FRK: variants seen among roughly 807,000 people sequenced by gnomAD.
The protein encoded by FRK is fyn related Src family tyrosine kinase, also known as tyrosine-protein kinase FRK.
In FRK, 51 loss-of-function variants were observed where a neutral mutation model predicts 56.4. That is an observed-to-expected ratio of 0.90 (90% CI 0.72 to 1.14). FRK has a LOEUF of 1.14. Ranked by LOEUF, FRK falls within the 50% of genes most tolerant of loss-of-function variation. The probability of loss-of-function intolerance (pLI) is 0.00; values close to 1 mark genes in which losing one functional copy is unlikely to be tolerated. For synonymous variants in FRK, 245 were observed against 217.9 expected (o/e 1.12, Z -1.10); for missense variants, 570 against 601.4 (o/e 0.95, Z 0.55).
intron 1 of FRK, among the ~76,000 whole-genome samples, chr6:116,028,096 C>T (rs1776163121): frequency 6.6e-6 from 1 of 152,128 alleles, no homozygotes; most frequent in Admixed American, 6.6e-5. Context: ...GTTTTCCCCA[C>T]ACACCAAGCA....
chr6:116,060,553 A>G lies in FRK; in HGVS notation c.-242T>C. On this transcript the variant is annotated 5_prime_UTR_variant, in exon 1 of 8. Transcript: ENST00000606080. ...CTACCCCGAGGCAAAACTGAGCAGG[A>G]GCTGGGCAGCTGCTCACTAGGAAGG... 1 of 473,880 alleles carries G rather than the reference A, an allele frequency of 2.1e-6. No homozygotes were observed. Among genetic ancestry groups the G allele is most frequent in the African/African-American group, 1.9e-5 (1 of 51,876 alleles). The allele number at this position is 473,880 out of a possible 1,614,324, so 29.4% of individuals were successfully genotyped here. A position where few individuals can be genotyped will look rare whatever the true frequency, so the allele number is the denominator to read the frequency against.
the FRK span, among the ~76,000 whole-genome samples, chr6:116,085,833 T>A: frequency 3.3e-5 from 5 of 152,202 alleles, no homozygotes; most frequent in African/African-American, 7.2e-5. Flanking sequence ...CTCTCAGATT[T>A]TGAGATGAAA....
chr6:116,022,285 A>C (rs569697428), intron 1 of FRK, among the ~76,000 whole-genome samples: 1 of 152,236 alleles, frequency 6.6e-6, no homozygotes, highest in African/African-American at 2.4e-5. Flanking sequence ...TCTTTCAGAA[A>C]ATACAGAAAT....
chr6:116,092,404 T>A, the FRK span, among the ~76,000 whole-genome samples: 2 of 152,174 alleles, frequency 1.3e-5, no homozygotes, highest in African/African-American at 4.8e-5. Flanking sequence ...ATAACATCTT[T>A]ATAGGACAGT....
intron 4 of FRK, among the ~76,000 whole-genome samples, chr6:115,966,862 C>T (rs1773600173): frequency 6.6e-6 from 1 of 152,116 alleles, no homozygotes; most frequent in Admixed American, 6.5e-5. Context: ...CAAAGCATGT[C>T]CACTAATGAC....
the FRK span, among the ~76,000 whole-genome samples, chr6:116,100,543 T>TA: frequency 1.3e-5 from 2 of 152,116 alleles, no homozygotes; most frequent in African/African-American, 4.8e-5. Context: ...GTGTCCCGGT[T>TA]AATTTTGTGG....
At chr6:116,054,279 C>T (rs962615502) in intron 1 of FRK, among the ~76,000 whole-genome samples, 37 of 149,992 alleles carry the variant, frequency 2.5e-4, no homozygotes, top group African/African-American at 4.9e-4. Context: ...GGGACAGTAA[C>T]GCTAATTAAT....
chr6:116,016,512 GAC>G (rs1275804420), intron 1 of FRK, among the ~76,000 whole-genome samples: 1 of 151,984 alleles, frequency 6.6e-6, no homozygotes, highest in Non-Finnish European at 1.5e-5. Flanking sequence ...ATGACACAGA[GAC>G]ACACACACAT....
At chr6:116,040,024 A>G (rs1776654546) in intron 1 of FRK, among the ~76,000 whole-genome samples, 1 of 152,088 alleles carries the variant, frequency 6.6e-6, no homozygotes, top group Non-Finnish European at 1.5e-5. Context: ...TTTCAAGCCT[A>G]TCCTTGGAAC....
chr6:116,095,425 T>G, the FRK span, among the ~76,000 whole-genome samples: 1 of 152,202 alleles, frequency 6.6e-6, no homozygotes, highest in Non-Finnish European at 1.5e-5. Flanking sequence ...GAGGTTTTAT[T>G]AATAGCAAAG....
chr6:116,022,555 T>G (rs1775911980), intron 1 of FRK, among the ~76,000 whole-genome samples: 1 of 152,108 alleles, frequency 6.6e-6, no homozygotes, highest in Non-Finnish European at 1.5e-5. Flanking sequence ...AACTATATAA[T>G]CAGCCGCTCA....
intron 1 of FRK, among the ~76,000 whole-genome samples, chr6:116,015,730 C>T (rs180753917): frequency 6.6e-6 from 1 of 152,138 alleles, no homozygotes; most frequent in African/African-American, 2.4e-5. Flanking sequence ...AAAGGTCACT[C>T]ATGCTATGCT....
chr6:115,995,811 T>C (rs1004681170), intron 2 of FRK, among the ~76,000 whole-genome samples: 10 of 152,236 alleles, frequency 6.6e-5, no homozygotes, highest in African/African-American at 2.4e-4. Context: ...ATAGAGTATT[T>C]AAAACATTTG....
intron 1 of FRK, among the ~76,000 whole-genome samples, chr6:116,024,173 G>C (rs1255619671): frequency 6.6e-6 from 1 of 151,846 alleles, no homozygotes; most frequent in African/African-American, 2.4e-5. Flanking sequence ...TGGAAATGAC[G>C]TGAGTTACTT....
chr6:115,959,697 C>T (rs1039037989), intron 4 of FRK, among the ~76,000 whole-genome samples: 1 of 152,144 alleles, frequency 6.6e-6, no homozygotes, highest in East Asian at 1.9e-4. Flanking sequence ...TAAGAACTTG[C>T]TGCATATACT....
intron 3 of FRK, among the ~76,000 whole-genome samples, chr6:115,968,317 G>A (rs1773665632): frequency 6.6e-6 from 1 of 152,114 alleles, no homozygotes; most frequent in Admixed American, 6.6e-5. Flanking sequence ...GGTCTCCGTT[G>A]CACCTTCTAA....
Position 115,938,838 on chromosome 6 carries a change from C to T in FRK, c.*3576G>A, listed in dbSNP as rs1191413660. ...AATTGAGGCAGTAATTAATAGCCTA[C>T]CAACCAAAAAAAGTCCAGGACCAGA... On this transcript the variant is annotated 3_prime_UTR_variant, in exon 8 of 8. Transcript: ENST00000606080. The T allele has an allele frequency of 6.6e-6, 1 of 151,986 alleles. No individual in the cohort carries two copies. The highest frequency in any genetic ancestry group is 1.5e-5 in the Non-Finnish European group (1 of 68,000). 9.4% of individuals were successfully genotyped at this position (151,986 alleles called of 1,614,324 possible).
chr6:116,069,893 T>A, the FRK span, among the ~76,000 whole-genome samples: 1 of 152,080 alleles, frequency 6.6e-6, no homozygotes, highest in East Asian at 1.9e-4. Context: ...GTCTGCCTTT[T>A]TAACAAGCTC....
chr6:115,961,428 C>G (rs1011636917), intron 4 of FRK, among the ~76,000 whole-genome samples: 2 of 124,524 alleles, frequency 1.6e-5, no homozygotes, highest in Non-Finnish European at 3.3e-5. Flanking sequence ...ATTGGTGTAC[C>G]TAAAAGTGAT....
Sources: gnomAD v4.1 joint callset for allele counts (sites outside exome capture counted in the v4.1 genomes callset) on GRCh38, gnomAD v4.1.1 for gene constraint, MANE v1.5 for transcripts, NCBI Gene and HGNC (gene_info 2026-07-23, HGNC 2026-07-21) for gene names.